SND1: variants seen among roughly 807,000 people sequenced by gnomAD.
SND1 encodes staphylococcal nuclease domain-containing protein 1.
SND1 carries 38 observed loss-of-function variants against 121.7 expected under a neutral mutation model. That is an observed-to-expected ratio of 0.31 (90% CI 0.24 to 0.41). The LOEUF (loss-of-function observed/expected upper bound fraction) is 0.41. SND1 is among the 10% of genes least tolerant of loss of function. The pLI, the probability that SND1 is intolerant of heterozygous loss-of-function variation, is 1.00. For synonymous variants in SND1, 401 were observed against 447.4 expected (o/e 0.90, Z 1.31); for missense variants, 868 against 1,184.6 (o/e 0.73, Z 3.92).
intron 1 of SND1, among the ~76,000 whole-genome samples, chr7:127,667,184 T>C (rs1314472744): frequency 6.6e-6 from 1 of 152,186 alleles, no homozygotes; most frequent in African/African-American, 2.4e-5. Context: ...TGAGTAAGTA[T>C]ATTAGACATT....
chr7:127,873,289 G>T (rs369018710), intron 12 of SND1, among the ~76,000 whole-genome samples: 2 of 152,084 alleles, frequency 1.3e-5, no homozygotes, highest in East Asian at 3.9e-4. Flanking sequence ...TCAGCTAGTG[G>T]TGAGGTGACA....
chr7:127,854,018 G>C (rs941494349), intron 12 of SND1, among the ~76,000 whole-genome samples: 1 of 152,144 alleles, frequency 6.6e-6, no homozygotes, highest in Non-Finnish European at 1.5e-5. Flanking sequence ...TTCTCCACTA[G>C]TCTGACCCCA....
At chr7:127,727,407 A>G (rs761407112) in intron 10 of SND1, among the ~76,000 whole-genome samples, 1 of 152,106 alleles carries the variant, frequency 6.6e-6, no homozygotes, top group Non-Finnish European at 1.5e-5. Context: ...GCGATTTTCA[A>G]CCTATTCCCT....
At chr7:128,032,389 A>G (rs1792652536) in intron 16 of SND1, among the ~76,000 whole-genome samples, 1 of 145,748 alleles carries the variant, frequency 6.9e-6, no homozygotes, top group Non-Finnish European at 1.5e-5. Flanking sequence ...CGAGCGGGCG[A>G]GCGAGCCGGA....
At chr7:128,053,453 ACT>A (rs1303382914) in intron 16 of SND1, among the ~76,000 whole-genome samples, 1 of 151,966 alleles carries the variant, frequency 6.6e-6, no homozygotes, top group Non-Finnish European at 1.5e-5. Flanking sequence ...AGTCTGAGTG[ACT>A]CTCAGGGTTC....
chr7:127,923,329 G>A (rs552017264), intron 14 of SND1, among the ~76,000 whole-genome samples: 2 of 152,130 alleles, frequency 1.3e-5, no homozygotes, highest in South Asian at 4.1e-4. Context: ...TTTTTGTTTG[G>A]GGGTTTGTTT....
chr7:127,777,780 AT>A lies in SND1; in HGVS notation c.1153-29696del, dbSNP rs146964672. Among the ~76,000 whole-genome samples, 892 of 151,846 alleles carry A rather than the reference AT, an allele frequency of 5.9e-3. 16 individuals are homozygous for A. The highest frequency in any genetic ancestry group is 0.02 in the African/African-American group (849 of 41,420). ...GGTGTCCAACTCCTGGGTTCGAGCAATTTTTTTTGCCTTAGCCTCTTGAATA... is the reference window on the plus strand; with the variant it reads ...GGTGTCCAACTCCTGGGTTCGAGCAATTTTTTTGCCTTAGCCTCTTGAATA... On this transcript the variant is annotated intron_variant, in intron 10 of 23. Coordinates refer to ENST00000354725, the MANE Select transcript of SND1 (RefSeq NM_014390.4).
At chr7:127,727,020 C>T (rs938895111) in intron 10 of SND1, among the ~76,000 whole-genome samples, 3 of 152,172 alleles carry the variant, frequency 2.0e-5, no homozygotes, top group Non-Finnish European at 4.4e-5. Flanking sequence ...AGCTGGTAGT[C>T]ACCCCCTGCT....
In SND1 at chr7:127,683,031, C is replaced by T. The variant is rs116505734; in HGVS notation, c.79-3582C>T. On this transcript the variant is annotated intron_variant, in intron 1 of 23. Coordinates refer to ENST00000354725, the MANE Select transcript of SND1 (RefSeq NM_014390.4). The stretch of plus-strand genomic sequence containing the variant: ...TACCCAGACATTTAAAGTATTTTTC[C>T]CCCAGAAGGTATTTCTCATTGGTTT... Among the ~76,000 whole-genome samples the T allele has an allele frequency of 5.7e-3, 869 of 152,200 alleles. 13 individuals are homozygous for T. Among genetic ancestry groups the T allele is most frequent in the African/African-American group, 0.02 (828 of 41,500 alleles).
rs962115094 is a variant in SND1 at position 128,068,086 on chromosome 7, A to G, written c.1780-6416A>G. On this transcript the variant is annotated intron_variant, in intron 16 of 23. Transcript: ENST00000354725. ...GACCTGGATCTTCAGCTTTGCGCCT[A>G]CTTGGAAGCACTAGGCATCCAGCTT... Among the ~76,000 whole-genome samples, 7 of 152,182 alleles carry G rather than the reference A, an allele frequency of 4.6e-5. No individual in the cohort carries two copies. The East Asian group carries it at 1.4e-3, about 29-fold the overall frequency.
intron 1 of SND1, among the ~76,000 whole-genome samples, chr7:127,659,737 G>T (rs1442009411): frequency 6.6e-6 from 1 of 152,202 alleles, no homozygotes; most frequent in Non-Finnish European, 1.5e-5. Context: ...CATTGGCCCA[G>T]AAGTCAGGGG....
At chr7:128,059,880 G>A (rs753169177) in intron 16 of SND1, among the ~76,000 whole-genome samples, 18 of 152,202 alleles carry the variant, frequency 1.2e-4, no homozygotes, top group Non-Finnish European at 2.4e-4. Context: ...CTGTAGAATC[G>A]TGCTGCACAT....
At chr7:127,894,039 C>A (rs1800067284) in intron 13 of SND1, among the ~76,000 whole-genome samples, 1 of 152,076 alleles carries the variant, frequency 6.6e-6, no homozygotes. Context: ...TCTGTGCTGG[C>A]ATTTCTGTCA....
At chr7:128,055,857 T>G (rs1793133213) in intron 16 of SND1, among the ~76,000 whole-genome samples, 1 of 152,040 alleles carries the variant, frequency 6.6e-6, no homozygotes, top group Non-Finnish European at 1.5e-5. Flanking sequence ...AGCCTCTACC[T>G]CGGCTGTCTC....
chr7:127,817,367 T>C (rs1433177323), intron 11 of SND1, among the ~76,000 whole-genome samples: 2 of 152,170 alleles, frequency 1.3e-5, no homozygotes, highest in Non-Finnish European at 2.9e-5. Flanking sequence ...CTCTTAGGAA[T>C]AGGAATATTT....
chr7:127,984,531 T>C (rs1452316076), intron 15 of SND1, among the ~76,000 whole-genome samples: 3 of 152,202 alleles, frequency 2.0e-5, no homozygotes, highest in South Asian at 4.1e-4. Flanking sequence ...CAACCATCTC[T>C]TTCTCTGTGT....
intron 16 of SND1, among the ~76,000 whole-genome samples, chr7:127,996,457 C>T (rs946464726): frequency 6.6e-6 from 1 of 152,208 alleles, no homozygotes; most frequent in African/African-American, 2.4e-5. Context: ...GGTGTATGCT[C>T]TCTTAGCCCT....
At chr7:127,817,721 CTTTTTTTTTTTTTTT>C (rs72233818) in intron 11 of SND1, among the ~76,000 whole-genome samples, 6 of 104,074 alleles carry the variant, frequency 5.8e-5, no homozygotes, top group African/African-American at 7.3e-5. Context: ...TTCCTTCATA[CTTTTTTTTTTTTTTT>C]TTTTTTTTTT....
chr7:128,008,382 T>C (rs1803034170), intron 16 of SND1, among the ~76,000 whole-genome samples: 1 of 152,164 alleles, frequency 6.6e-6, no homozygotes. Context: ...CTGCTGTCTA[T>C]TCGTGCCAAA....
Sources: allele counts gnomAD v4.1 joint callset (sites outside exome capture counted in the v4.1 genomes callset), GRCh38; gene constraint gnomAD v4.1.1; transcripts MANE v1.5; gene names NCBI Gene and HGNC (gene_info 2026-07-23, HGNC 2026-07-21).